Variants in GPM6B observed in about 807,000 individuals in gnomAD.
GPM6B encodes glycoprotein M6B.
GPM6B carries 4 observed loss-of-function variants against 27.2 expected under a neutral mutation model. That is an observed-to-expected ratio of 0.15 (90% CI 0.07 to 0.34). The LOEUF (loss-of-function observed/expected upper bound fraction) is 0.34, where lower values mean the gene tolerates loss of function less well. Among genes scored for constraint, GPM6B ranks in the 10% least tolerant of loss-of-function variants. The pLI is 1.00. For synonymous variants in GPM6B, 124 were observed against 103.1 expected (o/e 1.20, Z -1.23); for missense variants, 183 against 261.9 (o/e 0.70, Z 2.08).
At chrX:13,914,680 T>C (rs955829095) in intron 1 of GPM6B, among the ~76,000 whole-genome samples, 1 of 112,349 alleles carries the variant, frequency 8.9e-6, no homozygotes, top group African/African-American at 3.2e-5. Flanking sequence ...TTTGGGGGGT[T>C]CTATTAGAGC....
At chrX:13,832,856 G>A (rs2049453874) in intron 1 of GPM6B, among the ~76,000 whole-genome samples, 1 of 111,760 alleles carries the variant, frequency 8.9e-6, no homozygotes, top group Middle Eastern at 4.2e-3. Flanking sequence ...AACCAATGAA[G>A]AGTAAATCTC....
intron 1 of GPM6B, among the ~76,000 whole-genome samples, chrX:13,905,896 C>T (rs1304914906): frequency 4.5e-5 from 5 of 110,755 alleles, no homozygotes; most frequent in African/African-American, 1.3e-4. Context: ...AAAAAAAACC[C>T]TCTGAATCCA....
At chrX:13,893,208 CTT>C (rs1303502541) in intron 1 of GPM6B, among the ~76,000 whole-genome samples, 2 of 111,552 alleles carry the variant, frequency 1.8e-5, no homozygotes, top group Non-Finnish European at 3.8e-5. Context: ...TTTATCATAA[CTT>C]AATATCAAGT....
intron 4 of GPM6B, among the ~76,000 whole-genome samples, chrX:13,781,725 A>G (rs1203698272): frequency 9.0e-6 from 1 of 111,640 alleles, no homozygotes; most frequent in African/African-American, 3.3e-5. Context: ...GACGGAACCA[A>G]TGTACATCTT....
rs57417145 is a variant in GPM6B at position 13,915,278 on chromosome X, T to TA, written c.-198+23048dup. ...CCATACCCCGTCTCTAAAAAATGTG[T>TA]AAAAAAAAAAAAAAAAAAAAAAGGT... On this transcript the variant is annotated intron_variant, in intron 1 of 6. Coordinates refer to the GPM6B transcript ENST00000398361. Among the ~76,000 whole-genome samples, 210 of 80,500 alleles carry TA rather than the reference T, an allele frequency of 2.6e-3. 1 individual carries two copies. Among genetic ancestry groups the TA allele is most frequent in the South Asian group, 5.0e-3 (7 of 1,414 alleles). 69.9% of individuals were successfully genotyped at this position (80,500 alleles called of 115,157 possible). A position where few individuals can be genotyped will look rare whatever the true frequency, so the allele number is the denominator to read the frequency against.
intron 2 of GPM6B, among the ~76,000 whole-genome samples, chrX:13,797,453 G>GA (rs1569208319): frequency 9.0e-6 from 1 of 111,152 alleles, no homozygotes; most frequent in Non-Finnish European, 1.9e-5. Flanking sequence ...AGGACAGCAG[G>GA]ACCCATGTGA....
chrX:13,799,304 C>G (rs1896370113), intron 2 of GPM6B, among the ~76,000 whole-genome samples: 1 of 92,799 alleles, frequency 1.1e-5, no homozygotes, highest in Non-Finnish European at 2.1e-5. Context: ...CCTCTGCCTC[C>G]TGGGTTCAAG....
intron 1 of GPM6B, among the ~76,000 whole-genome samples, chrX:13,837,381 G>C (rs896338319): frequency 5.4e-5 from 6 of 111,542 alleles, no homozygotes; most frequent in African/African-American, 2.0e-4. Context: ...CTTCCCCCGA[G>C]GGGGCCGCTG....
At chrX:13,802,864 T>A (rs2048948332) in intron 2 of GPM6B, among the ~76,000 whole-genome samples, 1 of 111,682 alleles carries the variant, frequency 9.0e-6, no homozygotes, top group African/African-American at 3.3e-5. Flanking sequence ...CAAAAGCTTC[T>A]GCAACCAGCC....
intron 5 of GPM6B, among the ~76,000 whole-genome samples, chrX:13,778,123 C>T (rs1016424197): frequency 2.0e-4 from 21 of 105,536 alleles, no homozygotes; most frequent in African/African-American, 6.0e-4. Context: ...AATATTGGCT[C>T]ACTGCAGCCT....
chrX:13,932,256 C>T (rs6528032), intron 1 of GPM6B, among the ~76,000 whole-genome samples: 2,129 of 111,371 alleles, frequency 0.019, 45 homozygotes, highest in African/African-American at 0.066. Flanking sequence ...ACATTTGTAT[C>T]CAGGGCCTGG....
chrX:13,797,838 A>G, intron 2 of GPM6B, among the ~76,000 whole-genome samples: 1 of 111,931 alleles, frequency 8.9e-6, no homozygotes. Flanking sequence ...CTGTGGAGCT[A>G]TTAAGCAATC....
rs201990542 is a variant in GPM6B, at chrX:13,861,299, AT to A, written c.-197-75492del. ...CACGTGCAAGTATCTTTTTCATATGATTTTTTTTCCCCCTGGGTAGACAGCT... is the reference window on the plus strand; with the variant it reads ...CACGTGCAAGTATCTTTTTCATATGATTTTTTTCCCCCTGGGTAGACAGCT... On this transcript the variant is annotated intron_variant, in intron 1 of 6. Transcript: ENST00000398361. 3.7e-5 allele frequency among the ~76,000 whole-genome samples: 4 copies of A among 109,512 alleles called. No homozygotes were observed. The Admixed American group carries it at 3.9e-4, about 11-fold the overall frequency.
At chrX:13,922,007 C>T (rs758064514) in intron 1 of GPM6B, among the ~76,000 whole-genome samples, 2 of 111,802 alleles carry the variant, frequency 1.8e-5, no homozygotes, top group South Asian at 7.6e-4. Context: ...GTTGCCATGG[C>T]AATGGTAAGC....
chrX:13,810,379 T>G (rs765053200), intron 1 of GPM6B, among the ~76,000 whole-genome samples: 5 of 111,932 alleles, frequency 4.5e-5, no homozygotes, highest in South Asian at 3.7e-4. Flanking sequence ...CTGGAAATTT[T>G]TATCCTTTTA....
At chrX:13,913,359 T>C (rs1478091989) in intron 1 of GPM6B, among the ~76,000 whole-genome samples, 3 of 109,708 alleles carry the variant, frequency 2.7e-5, no homozygotes, top group African/African-American at 1.0e-4. Context: ...GTCACCATCT[T>C]GCCCAGGCTG....
intron 1 of GPM6B, among the ~76,000 whole-genome samples, chrX:13,844,992 C>T (rs6629389): frequency 0.064 from 5,894 of 92,747 alleles, 256 homozygotes; most frequent in East Asian, 0.37. Context: ...TTTTCTTTTT[C>T]TTTTTTTTTT....
chrX:13,904,890 T>TA (rs1180546227), intron 1 of GPM6B, among the ~76,000 whole-genome samples: 10 of 110,609 alleles, frequency 9.0e-5, no homozygotes, highest in South Asian at 3.8e-4. Context: ...GGGATCAAGA[T>TA]AGAGTGAGGC....
intron 1 of GPM6B, among the ~76,000 whole-genome samples, chrX:13,913,928 T>C (rs906227545): frequency 9.0e-6 from 1 of 110,613 alleles, no homozygotes; most frequent in Admixed American, 9.6e-5. Flanking sequence ...ATTTTTTTAT[T>C]TTTTATAGAG....
Sources: allele counts gnomAD v4.1 joint callset (sites outside exome capture counted in the v4.1 genomes callset), GRCh38; gene constraint gnomAD v4.1.1; transcripts MANE v1.5; gene names NCBI Gene and HGNC (gene_info 2026-07-23, HGNC 2026-07-21).